THSD7A: variants seen among roughly 807,000 people sequenced by gnomAD.
THSD7A encodes the protein thrombospondin type 1 domain containing 7A, also known as thrombospondin type-1 domain-containing protein 7A.
A neutral mutation model predicts 231.3 loss-of-function variants in THSD7A; 96 were observed. The observed-to-expected ratio is 0.41, with a 90% confidence interval of 0.35 to 0.49. The LOEUF is 0.49. THSD7A is among the 20% of genes least tolerant of loss of function. The pLI is 0.05. For synonymous variants in THSD7A, 940 were observed against 743.3 expected (o/e 1.26, Z -4.30); for missense variants, 2,290 against 2,070.2 (o/e 1.11, Z -2.06).
intron 23 of THSD7A, among the ~76,000 whole-genome samples, chr7:11,395,274 A>C (rs767035539): frequency 6.6e-5 from 10 of 152,212 alleles, no homozygotes; most frequent in Non-Finnish European, 1.0e-4. Context: ...ACAGCTAACT[A>C]TCCCAAATAT....
intron 9 of THSD7A, 68 bp downstream of exon 9, chr7:11,469,811 A>T: frequency 9.4e-7 from 1 of 1,065,084 alleles, no homozygotes; most frequent in South Asian, 1.4e-5. Context: ...TTGCTAGGCC[A>T]GAAGACCTCA....
rs1584103388 is a variant in THSD7A at position 11,625,274 on chromosome 7, A to G, written c.1022+10856T>C. Among the ~76,000 whole-genome samples, 3 of 152,096 alleles carry G rather than the reference A, an allele frequency of 2.0e-5. 1 individual carries two copies. The South Asian group carries it at 6.2e-4, about 32-fold the overall frequency. Reference sequence around the variant, plus strand: ...TCAACCTTAGTCATAATTAATTTTTATTTTTCAAAAACTTGCTTCATTTAT... The same window carrying G: ...TCAACCTTAGTCATAATTAATTTTTGTTTTTCAAAAACTTGCTTCATTTAT... On this transcript the variant is annotated intron_variant, in intron 2 of 27. Coordinates refer to ENST00000423059, the MANE Select transcript of THSD7A (RefSeq NM_015204.3).
intron 13 of THSD7A, among the ~76,000 whole-genome samples, chr7:11,441,284 C>G (rs1348608412): frequency 1.3e-5 from 2 of 151,906 alleles, no homozygotes. Flanking sequence ...ATGATACACC[C>G]TTTAGAAATG....
chr7:11,814,949 G>T lies in THSD7A; in HGVS notation c.190+16808C>A, dbSNP rs1784633632. On this transcript the variant is annotated intron_variant, in intron 1 of 27. Coordinates refer to ENST00000423059, the MANE Select transcript of THSD7A (RefSeq NM_015204.3). The surrounding 1 kb of genome is among the most constrained non-coding windows in gnomAD (Gnocchi z 5.1). ...TCCTGATTACTCCTCTCTCCACAGG[G>T]CCCATGAACTAATGGGAACAAATGA... Among the ~76,000 whole-genome samples, 1 of 151,922 alleles carries T rather than the reference G, an allele frequency of 6.6e-6. No individual in the cohort carries two copies. Among genetic ancestry groups the T allele is most frequent in the Admixed American group, 6.6e-5 (1 of 15,236 alleles).
At chr7:11,778,996 T>G (rs925770314) in intron 1 of THSD7A, among the ~76,000 whole-genome samples, 1 of 152,104 alleles carries the variant, frequency 6.6e-6, no homozygotes, top group Non-Finnish European at 1.5e-5. Context: ...AATATAAACA[T>G]AATTGGTATC....
At chr7:11,447,147 A>T in intron 12 of THSD7A, 83 bp downstream of exon 12, 1 of 1,308,174 alleles carries the variant, frequency 7.6e-7, no homozygotes, top group East Asian at 2.4e-5. Context: ...TTTCAAATAC[A>T]CTGTCAGAAT....
intron 17 of THSD7A, among the ~76,000 whole-genome samples, chr7:11,414,620 G>T (rs936633542): frequency 6.6e-6 from 1 of 152,124 alleles, no homozygotes; most frequent in African/African-American, 2.4e-5. Context: ...TCATTCTTCA[G>T]TTGACAACAT....
chr7:11,465,300 T>C (rs918307537), intron 9 of THSD7A, among the ~76,000 whole-genome samples: 4 of 152,066 alleles, frequency 2.6e-5, no homozygotes, highest in Non-Finnish European at 5.9e-5. Context: ...TTAATAAAAA[T>C]AAGCTATCAC....
intron 1 of THSD7A, among the ~76,000 whole-genome samples, chr7:11,788,348 C>A (rs909030494): frequency 6.6e-6 from 1 of 152,018 alleles, no homozygotes; most frequent in African/African-American, 2.4e-5. Flanking sequence ...ACTGTCTAAT[C>A]TTAGCTCGTA....
At chr7:11,469,755 G>C in intron 9 of THSD7A, 124 bp downstream of exon 9, 2 of 595,384 alleles carry the variant, frequency 3.4e-6, no homozygotes, top group East Asian at 5.9e-5. Flanking sequence ...TTTATGGCAT[G>C]CATGTCAAAT....
chr7:11,660,402 C>A (rs1782885185), intron 1 of THSD7A, among the ~76,000 whole-genome samples: 1 of 151,316 alleles, frequency 6.6e-6, no homozygotes, highest in East Asian at 1.9e-4. Context: ...TCTGGAATAT[C>A]TAAGATAAAC....
rs1166580335 is a variant in THSD7A at position 11,784,375 on chromosome 7, A to AT, written c.190+47381dup. Among the ~76,000 whole-genome samples, 4 of 149,892 alleles carry AT rather than the reference A, an allele frequency of 2.7e-5. No individual in the cohort carries two copies. In the South Asian group the frequency reaches 6.4e-4, roughly 24 times the overall value. ...TTGCATTTTTGAAAATTCCCAACTA[A>AT]TTTTTTTTTCAAATATTGCCATCTG... is the stretch of plus-strand genomic sequence containing the variant. On this transcript the variant is annotated intron_variant, in intron 1 of 27. Coordinates refer to ENST00000423059, the MANE Select transcript of THSD7A (RefSeq NM_015204.3).
intron 11 of THSD7A, among the ~76,000 whole-genome samples, 197 bp downstream of exon 11, chr7:11,460,465 T>C (rs1785463471): frequency 6.6e-6 from 1 of 152,228 alleles, no homozygotes; most frequent in Admixed American, 6.5e-5. Flanking sequence ...TCAAGAATTA[T>C]GAGCTAATGC....
At chr7:11,695,676 G>T (rs372725749) in intron 1 of THSD7A, among the ~76,000 whole-genome samples, 1 of 151,408 alleles carries the variant, frequency 6.6e-6, no homozygotes, top group Admixed American at 6.6e-5. Flanking sequence ...AAAACTAAAC[G>T]GAGTAATTGG....
At position 11,446,442 on chromosome 7, in the gene THSD7A, G is replaced by A; in HGVS notation, c.2801-118C>T. 3 of 1,162,468 alleles carry A rather than the reference G, an allele frequency of 2.6e-6. No homozygotes were observed. Among genetic ancestry groups the A allele is most frequent in the Non-Finnish European group, 3.6e-6 (3 of 827,128 alleles). The allele number at this position is 1,162,468 out of a possible 1,614,324, so 72.0% of individuals were successfully genotyped here. A position where few individuals can be genotyped will look rare whatever the true frequency, so the allele number is the denominator to read the frequency against. ...TCTTCATTTTTAACCATATTTAACA[G>A]TAGCCTATAAATCAATGCTATTTTC... On this transcript the variant is annotated intron_variant, in intron 12 of 27. Coordinates refer to ENST00000423059, the MANE Select transcript of THSD7A (RefSeq NM_015204.3). This position sits in a 1 kb window ranked among gnomAD's most constrained non-coding sequence, Gnocchi z 4.0.
chr7:11,392,961 C>A (rs1783043095), intron 23 of THSD7A, among the ~76,000 whole-genome samples: 1 of 152,186 alleles, frequency 6.6e-6, no homozygotes, highest in Admixed American at 6.5e-5. Context: ...GTGGGTGCAG[C>A]TTCAGCAGAA....
intron 1 of THSD7A, among the ~76,000 whole-genome samples, chr7:11,665,166 A>G (rs749021478): frequency 3.9e-5 from 6 of 152,124 alleles, no homozygotes; most frequent in Non-Finnish European, 7.4e-5. Context: ...AAATAAGATC[A>G]TGGGACAAAG....
intron 1 of THSD7A, among the ~76,000 whole-genome samples, chr7:11,677,105 C>CGTTT (rs539102537): frequency 0.011 from 1,683 of 152,212 alleles, 19 homozygotes; most frequent in African/African-American, 0.038. Flanking sequence ...AGAGTGGAGG[C>CGTTT]TAACATTCAA....
Position 11,412,748 on chromosome 7 carries a change from G to A in THSD7A, c.3590C>T (p.Pro1197Leu), listed in dbSNP as rs1171780156. 12 of 1,613,476 alleles carry A rather than the reference G, an allele frequency of 7.4e-6. No homozygotes were observed. The highest frequency in any genetic ancestry group is 1.0e-5 in the Non-Finnish European group (12 of 1,179,718). Residue 1197 changes from proline (P) to leucine (L), a missense_variant, in exon 18 of 28, where the codon CCA becomes CTA. By Grantham distance (98) the Pro-to-Leu change is moderately conservative. Transcript: ENST00000423059. ...RQRSADPIRQ[P>L]ADEGRSCPNA... Reference sequence around the variant, plus strand: ...AGGGCAAGATCTTCCTTCATCAGCTGGTTGTCTGATGGGATCAGCTGACCT... The same window carrying A: ...AGGGCAAGATCTTCCTTCATCAGCTAGTTGTCTGATGGGATCAGCTGACCT...
Sources: gnomAD v4.1 joint callset for allele counts (sites outside exome capture counted in the v4.1 genomes callset) on GRCh38, gnomAD v4.1.1 for gene constraint, Gnocchi (gnomAD v3.1) non-coding constraint, MANE v1.5 for transcripts, NCBI Gene and HGNC (gene_info 2026-07-23, HGNC 2026-07-21) for gene names.